The following ASB3 variants were observed in gnomAD, a reference collection of about 807,000 sequenced individuals.
ASB3 encodes the protein ankyrin repeat and SOCS box protein 3.
ASB3 carries 41 observed loss-of-function variants against 54.5 expected under a neutral mutation model. That is an observed-to-expected ratio of 0.75 (90% CI 0.59 to 0.98). The LOEUF is 0.98. Ranked by LOEUF, ASB3 falls within the 50% of genes least tolerant of loss-of-function variation. ASB3 has a pLI of 0.00. For missense variants in ASB3, 733 were observed against 620.0 expected, an observed-to-expected ratio of 1.18 and a Z score of -1.94; for synonymous variants, 266 against 221.2, an observed-to-expected ratio of 1.20 and a Z score of -1.80.
At chr2:53,744,881 G>A (rs1012484827) in intron 3 of ASB3, among the ~76,000 whole-genome samples, 2 of 152,148 alleles carry the variant, frequency 1.3e-5, no homozygotes, top group African/African-American at 2.4e-5. Context: ...ATTGAAATAG[G>A]CAGCCTCACC....
Position 53,700,433 on chromosome 2 carries a change from G to A in ASB3, c.1076C>T (p.Ser359Leu), listed in dbSNP as rs146031457. The change falls in exon 8 of 10, where the codon TCG becomes TTG. Residue 359 changes from serine to leucine, a missense_variant. Transcript: ENST00000263634. ...LAYCLKYEKFSIFRYFLRKGC... is the reference protein window; with the variant it reads ...LAYCLKYEKFLIFRYFLRKGC... The stretch of plus-strand genomic sequence containing the variant: ...TTTCCTCAAAAAGTAGCGAAATATC[G>A]AAAACTTCTCGTACTTCAGGCAGTA... The A allele has an allele frequency of 3.5e-4, 558 of 1,614,002 alleles. No homozygotes were observed. In the African/African-American group the frequency reaches 4.7e-3, roughly 14 times the overall value.
At chr2:53,725,934 CT>C (rs1315706118) in intron 5 of ASB3, among the ~76,000 whole-genome samples, 8 of 150,732 alleles carry the variant, frequency 5.3e-5, no homozygotes, top group South Asian at 2.1e-4. Flanking sequence ...GAAACCTTAA[CT>C]TTTTTTTTAA....
At chr2:53,673,770 T>C (rs975790401) in intron 9 of ASB3, among the ~76,000 whole-genome samples, 3 of 152,182 alleles carry the variant, frequency 2.0e-5, no homozygotes, top group African/African-American at 2.4e-5. Context: ...TTCCATTTAA[T>C]AATAAAAAAG....
At chr2:53,735,238 G>C (rs1671556640) in intron 3 of ASB3, among the ~76,000 whole-genome samples, 1 of 151,972 alleles carries the variant, frequency 6.6e-6, no homozygotes, top group Non-Finnish European at 1.5e-5. Flanking sequence ...TTCTCTATTA[G>C]TGAATTTGTT....
At chr2:53,670,804 G>A in intron 9 of ASB3, 114 bp from the exon 10 acceptor site, 1 of 1,201,782 alleles carries the variant, frequency 8.3e-7, no homozygotes, top group Non-Finnish European at 1.1e-6. Context: ...TATATTGCTT[G>A]AAAGAAGACT....
intron 2 of ASB3, among the ~76,000 whole-genome samples, chr2:53,759,286 T>C (rs1017354518): frequency 1.3e-5 from 2 of 152,150 alleles, no homozygotes; most frequent in Non-Finnish European, 2.9e-5. Flanking sequence ...GGAGGAAGAC[T>C]ATGAATTATT....
intron 9 of ASB3, among the ~76,000 whole-genome samples, chr2:53,678,654 G>A (rs573947505): frequency 1.3e-5 from 2 of 152,146 alleles, no homozygotes; most frequent in Admixed American, 6.5e-5. Flanking sequence ...CGGATATGTA[G>A]GTACAAGGCA....
At chr2:53,749,265 C>T (rs1672392878) in intron 3 of ASB3, among the ~76,000 whole-genome samples, 1 of 151,980 alleles carries the variant, frequency 6.6e-6, no homozygotes, top group African/African-American at 2.4e-5. Flanking sequence ...TACTAAACCT[C>T]CATTAGAATT....
At chr2:53,761,389 T>C (rs1240705085) in intron 2 of ASB3, among the ~76,000 whole-genome samples, 1 of 151,838 alleles carries the variant, frequency 6.6e-6, no homozygotes, top group East Asian at 1.9e-4. Context: ...TCCCGTTGTA[T>C]GGGGGCTCTG....
rs1454031304 is a variant in ASB3, at chr2:53,714,538, T to G, written c.826A>C (p.Thr276Pro). 4 of 1,614,208 alleles carry G rather than the reference T, an allele frequency of 2.5e-6. No individual in the cohort carries two copies. In the East Asian group the frequency reaches 8.9e-5, roughly 36 times the overall value. Residue 276 changes from threonine (T) to proline (P), a missense_variant, in exon 7 of 10, where the codon ACT becomes CCT. Coordinates refer to ENST00000263634, the MANE Select transcript of ASB3 (RefSeq NM_016115.5). ...ACAGGGCTTACTTTGTTTAGCCCAG[T>G]GTCACAGGCCCGGTTAGTAAGTGGT... ...LIPLTNRACD[T>P]GLNKVSPVYS...
chr2:53,724,291 A>C (rs914163131), intron 5 of ASB3, among the ~76,000 whole-genome samples: 21 of 152,172 alleles, frequency 1.4e-4, no homozygotes, highest in Admixed American at 2.6e-4. Flanking sequence ...CAAGCAAAAA[A>C]CAACCCCATT....
chr2:53,683,704 G>C (rs985067662), intron 9 of ASB3, among the ~76,000 whole-genome samples: 1 of 152,000 alleles, frequency 6.6e-6, no homozygotes, highest in Non-Finnish European at 1.5e-5. Context: ...TTCAATCTTG[G>C]AAGATTGTAT....
intron 1 of ASB3, among the ~76,000 whole-genome samples, chr2:53,776,477 T>G (rs992122946): frequency 1.3e-5 from 2 of 152,204 alleles, no homozygotes; most frequent in Non-Finnish European, 2.9e-5. Flanking sequence ...TCTATTAATT[T>G]ATTCAGCTTT....
chr2:53,684,619 T>A (rs1668540562), intron 9 of ASB3, among the ~76,000 whole-genome samples: 1 of 152,216 alleles, frequency 6.6e-6, no homozygotes, highest in Admixed American at 6.5e-5. Context: ...CAGTTTATCC[T>A]CGGTAGTCCC....
At chr2:53,729,592 A>G (rs1671188586) in intron 3 of ASB3, 22 bp from the exon 4 acceptor site, 2 of 1,608,246 alleles carry the variant, frequency 1.2e-6, no homozygotes, top group Non-Finnish European at 1.7e-6. Context: ...CAGTTAGAAA[A>G]ATTAATGTCA....
chr2:53,750,665 T>C, intron 3 of ASB3, 118 bp downstream of exon 3: 3 of 1,126,978 alleles, frequency 2.7e-6, no homozygotes, highest in Non-Finnish European at 3.5e-6. Context: ...AGTAGTGGTA[T>C]GATAGTTGCC....
intron 4 of ASB3, 121 bp from the exon 5 acceptor site, chr2:53,728,968 A>C: frequency 8.6e-7 from 1 of 1,166,282 alleles, no homozygotes; most frequent in Non-Finnish European, 1.2e-6. Flanking sequence ...TGAAGGAAAA[A>C]ACAAAACAGT....
At chr2:53,699,463 T>A (rs549102347) in intron 8 of ASB3, among the ~76,000 whole-genome samples, 24 of 152,208 alleles carry the variant, frequency 1.6e-4, no homozygotes, top group Non-Finnish European at 1.9e-4. Flanking sequence ...ATAGCTTTGG[T>A]AGAAAAACAC....
intron 9 of ASB3, among the ~76,000 whole-genome samples, chr2:53,687,587 T>C (rs906111741): frequency 6.6e-6 from 1 of 152,196 alleles, no homozygotes; most frequent in African/African-American, 2.4e-5. Flanking sequence ...AACTCTATGA[T>C]CATGGCCCCC....
Sources: gnomAD v4.1 joint callset for allele counts (sites outside exome capture counted in the v4.1 genomes callset) on GRCh38, gnomAD v4.1.1 for gene constraint, MANE v1.5 for transcripts, NCBI Gene and HGNC (gene_info 2026-07-23, HGNC 2026-07-21) for gene names.